WWOX: variants seen among roughly 807,000 people sequenced by gnomAD.
WWOX encodes the protein WW domain-containing oxidoreductase.
WWOX carries 69 observed loss-of-function variants against 46.2 expected under a neutral mutation model. The ratio of observed to expected loss-of-function variants is 1.49; its 90% CI spans 1.23 to 1.82. The LOEUF (loss-of-function observed/expected upper bound fraction) is 1.82, where lower values mean the gene tolerates loss of function less well. Ranked by LOEUF, WWOX falls within the 40% of genes most tolerant of loss-of-function variation. The probability of loss-of-function intolerance (pLI) is 0.00; values close to 1 mark genes in which losing one functional copy is unlikely to be tolerated. For synonymous variants in WWOX, 359 were observed against 202.6 expected (o/e 1.77, Z -6.56); for missense variants, 919 against 542.6 (o/e 1.69, Z -6.89).
chr16:78,542,407 G>A (rs1324977023), intron 8 of WWOX, among the ~76,000 whole-genome samples: 1 of 152,180 alleles, frequency 6.6e-6, no homozygotes, highest in Non-Finnish European at 1.5e-5. Context: ...TGGTGTTGCA[G>A]GGACCTGCAG....
At chr16:78,603,641 C>A (rs1393266578) in intron 8 of WWOX, among the ~76,000 whole-genome samples, 4 of 152,144 alleles carry the variant, frequency 2.6e-5, no homozygotes, top group African/African-American at 9.7e-5. Flanking sequence ...TTGCAGTGAA[C>A]TAAGATTGTG....
chr16:78,280,796 T>C (rs2079663973), intron 5 of WWOX: 1 of 152,176 alleles, frequency 6.6e-6, no homozygotes, highest in South Asian at 2.1e-4. Flanking sequence ...ATTTTCAAAG[T>C]GATAATAAAA....
At chr16:78,536,957 C>A (rs1214492901) in intron 8 of WWOX, among the ~76,000 whole-genome samples, 1 of 149,234 alleles carries the variant, frequency 6.7e-6, no homozygotes. Context: ...CACTCTGTCA[C>A]CCAGACTGGA....
At chr16:78,221,871 G>T (rs961725267) in intron 5 of WWOX, among the ~76,000 whole-genome samples, 1 of 152,164 alleles carries the variant, frequency 6.6e-6, no homozygotes, top group Non-Finnish European at 1.5e-5. Context: ...TTCCAAAGCA[G>T]ACTTTGTTTG....
intron 8 of WWOX, among the ~76,000 whole-genome samples, chr16:78,480,189 C>T (rs927744460): frequency 6.6e-6 from 1 of 152,170 alleles, no homozygotes; most frequent in Non-Finnish European, 1.5e-5. Context: ...GAAATAGCAG[C>T]CACATTTCAA....
chr16:78,899,634 A>T (rs926386169), intron 8 of WWOX: 4 of 152,236 alleles, frequency 2.6e-5, no homozygotes, highest in Non-Finnish European at 4.4e-5. Flanking sequence ...TAAATAAAAG[A>T]TATGATGACT....
At chr16:78,448,978 C>G (rs375980073) in intron 8 of WWOX, among the ~76,000 whole-genome samples, 3 of 152,262 alleles carry the variant, frequency 2.0e-5, no homozygotes, top group African/African-American at 7.2e-5. Context: ...ACAGAGGGAA[C>G]TTTTTATCAC....
At chr16:78,357,892 C>A (rs79285376) in intron 5 of WWOX, among the ~76,000 whole-genome samples, 1 of 152,202 alleles carries the variant, frequency 6.6e-6, no homozygotes, top group South Asian at 2.1e-4. Flanking sequence ...GTTAGGCTGA[C>A]TTCTGTGCCT....
At chr16:78,833,544 A>T (rs1179564161) in intron 8 of WWOX, among the ~76,000 whole-genome samples, 4 of 152,104 alleles carry the variant, frequency 2.6e-5, no homozygotes, top group Non-Finnish European at 4.4e-5. Flanking sequence ...ACACTCTTTT[A>T]TCATAACCCC....
At chr16:79,185,944 CTG>C (rs201447855) in intron 8 of WWOX, among the ~76,000 whole-genome samples, 117 of 148,792 alleles carry the variant, frequency 7.9e-4, no homozygotes, top group Middle Eastern at 6.8e-3. Context: ...GATGCCATGT[CTG>C]TGTGTGTGTG....
At chr16:78,122,609 CTT>C (rs71137872) in intron 4 of WWOX, among the ~76,000 whole-genome samples, 8 of 142,804 alleles carry the variant, frequency 5.6e-5, no homozygotes, top group Non-Finnish European at 6.2e-5. Flanking sequence ...CATTTTTTTT[CTT>C]TTTTTTTTTT....
At chr16:78,401,601 A>G (rs1210848472) in intron 6 of WWOX, among the ~76,000 whole-genome samples, 2 of 152,212 alleles carry the variant, frequency 1.3e-5, no homozygotes, top group African/African-American at 4.8e-5. Context: ...GAGGAACCCC[A>G]CTGAAGGCTA....
intron 8 of WWOX, chr16:78,872,869 C>G (rs1597089740): frequency 2.0e-5 from 3 of 152,382 alleles, no homozygotes; most frequent in African/African-American, 7.2e-5. Flanking sequence ...GTGATCTCAG[C>G]TCAGTGCAGG....
At chr16:78,595,489 C>T (rs1238348332) in intron 8 of WWOX, among the ~76,000 whole-genome samples, 2 of 152,196 alleles carry the variant, frequency 1.3e-5, no homozygotes, top group African/African-American at 4.8e-5. Context: ...CATACTCACT[C>T]ATGACTTCAC....
chr16:78,799,139 T>G (rs994218030), intron 8 of WWOX, among the ~76,000 whole-genome samples: 1 of 152,228 alleles, frequency 6.6e-6, no homozygotes, highest in African/African-American at 2.4e-5. Context: ...CTGGCATTTG[T>G]GTCTTATGCA....
intron 8 of WWOX, among the ~76,000 whole-genome samples, chr16:78,752,805 C>T (rs983883545): frequency 8.5e-5 from 13 of 152,188 alleles, no homozygotes; most frequent in African/African-American, 2.7e-4. Flanking sequence ...CACATAATTA[C>T]TTAAATGGCC....
At chr16:79,086,275 A>G (rs114722338) in intron 8 of WWOX, among the ~76,000 whole-genome samples, 21 of 152,088 alleles carry the variant, frequency 1.4e-4, no homozygotes, top group Non-Finnish European at 2.5e-4. Flanking sequence ...CATCCTTCCA[A>G]TTGTTAAGTT....
At chr16:78,698,929 C>G (rs551381057) in intron 8 of WWOX, among the ~76,000 whole-genome samples, 136 of 152,266 alleles carry the variant, frequency 8.9e-4, no homozygotes, top group African/African-American at 3.2e-3. Flanking sequence ...GGTCACCATT[C>G]TGTAATGATT....
chr16:78,426,418 A>C (rs1430913759), intron 7 of WWOX, among the ~76,000 whole-genome samples: 1 of 152,202 alleles, frequency 6.6e-6, no homozygotes, highest in Admixed American at 6.5e-5. Flanking sequence ...TCTGTATCTC[A>C]AATGGTATTT....
Sources: gnomAD v4.1 joint callset for allele counts (sites outside exome capture counted in the v4.1 genomes callset) on GRCh38, gnomAD v4.1.1 for gene constraint, MANE v1.5 for transcripts, NCBI Gene and HGNC (gene_info 2026-07-23, HGNC 2026-07-21) for gene names.